The following PHYHD1 variants were observed in gnomAD, a reference collection of about 807,000 sequenced individuals.
The protein encoded by PHYHD1 is phytanoyl-CoA dioxygenase domain containing 1.
Under a neutral mutation model 43.6 loss-of-function variants are expected in PHYHD1, and 42 were observed. The observed-to-expected ratio is 0.96, with a 90% CI of 0.75 to 1.25. The LOEUF is 1.25. PHYHD1 is among the 50% of genes most tolerant of loss of function. The probability of loss-of-function intolerance (pLI) is 0.00; values close to 1 mark genes in which losing one functional copy is unlikely to be tolerated. For missense variants in PHYHD1, 342 were observed against 370.8 expected, an observed-to-expected ratio of 0.92 and a Z score of 0.64; for synonymous variants, 139 against 143.6, an observed-to-expected ratio of 0.97 and a Z score of 0.23.
chr9:128,937,772 G>A lies in PHYHD1; in HGVS notation c.451G>A (p.Gly151Ser), dbSNP rs190589766. 2,592 of 1,614,020 alleles carry A rather than the reference G, an allele frequency of 1.6e-3. 6 individuals are homozygous for A. Among genetic ancestry groups the A allele is most frequent in the Non-Finnish European group, 1.4e-3 (1,597 of 1,180,032 alleles). Residue 151 changes from glycine to serine, a missense_variant, in exon 9 of 13, where the codon GGT becomes AGT. Physicochemically the swap from Gly to Ser is moderately conservative, Grantham distance 56. Transcript: ENST00000372592. ...TCTCTTGCAGCAACCTCACTTTGGC[G>A]GTGAAGGTGAGCTGAGAGCTGTGGG... ...MYIFKQPHFG[G>S]EVSPHQDASF...
At chr9:128,935,582 A>G (rs563627740) in intron 6 of PHYHD1, among the ~76,000 whole-genome samples, 53 of 141,062 alleles carry the variant, frequency 3.8e-4, no homozygotes, top group Non-Finnish European at 6.6e-4. Flanking sequence ...AAAAGAAAAG[A>G]TTTACCATAT....
At chr9:128,925,633 G>C (rs1159380052) in intron 3 of PHYHD1, among the ~76,000 whole-genome samples, 1 of 152,014 alleles carries the variant, frequency 6.6e-6, no homozygotes, top group African/African-American at 2.4e-5. Flanking sequence ...CTCAGAATAA[G>C]AGGACCAGAG....
intron 6 of PHYHD1, among the ~76,000 whole-genome samples, chr9:128,935,915 TAAATAA>T (rs1368052690): frequency 1.3e-5 from 2 of 151,880 alleles, no homozygotes; most frequent in Non-Finnish European, 2.9e-5. Context: ...ACTAAATAAA[TAAATAA>T]AAATAAAAAG....
chr9:128,932,166 A>ATTTT (rs1564540372), intron 4 of PHYHD1, among the ~76,000 whole-genome samples: 19 of 122,692 alleles, frequency 1.5e-4, no homozygotes, highest in African/African-American at 6.3e-4. Flanking sequence ...TATTATTATT[A>ATTTT]TTGTTATTAT....
At chr9:128,933,712 C>G in intron 4 of PHYHD1, 70 bp from the exon 5 acceptor site, 1 of 1,506,940 alleles carries the variant, frequency 6.6e-7, no homozygotes, top group Non-Finnish European at 9.2e-7. Flanking sequence ...CTGAATCCGC[C>G]TCCCTCTTTG....
At chr9:128,930,946 C>G (rs1179992390) in intron 4 of PHYHD1, among the ~76,000 whole-genome samples, 1 of 136,732 alleles carries the variant, frequency 7.3e-6, no homozygotes, top group Non-Finnish European at 1.6e-5. Context: ...GAGACTCTGT[C>G]TCAAAAAAAA....
chr9:128,937,471 C>T (rs17432804), intron 8 of PHYHD1, among the ~76,000 whole-genome samples: 15,575 of 152,172 alleles, frequency 0.1, 1,075 homozygotes, highest in Middle Eastern at 0.18. Flanking sequence ...CAACTGCTGG[C>T]CTGTGTCCTA....
chr9:128,938,114 C>A (rs1841471493), intron 9 of PHYHD1, among the ~76,000 whole-genome samples: 1 of 152,126 alleles, frequency 6.6e-6, no homozygotes, highest in African/African-American at 2.4e-5. Context: ...CGAGACCAGC[C>A]TGGCCAACAT....
chr9:128,928,459 T>G (rs1039253767), intron 4 of PHYHD1, among the ~76,000 whole-genome samples: 2 of 152,094 alleles, frequency 1.3e-5, no homozygotes, highest in African/African-American at 4.8e-5. Context: ...TCCCAGCACT[T>G]TGGGAGGCCG....
intron 4 of PHYHD1, among the ~76,000 whole-genome samples, chr9:128,929,401 G>T (rs1354401479): frequency 1.3e-5 from 2 of 152,000 alleles, no homozygotes; most frequent in Non-Finnish European, 2.9e-5. Flanking sequence ...GGCCAGGAGT[G>T]GTGGCTTATA....
Position 128,941,893 on chromosome 9 carries a change from C to G in PHYHD1, c.*180C>G. The G allele has an allele frequency of 2.7e-6, 2 of 737,578 alleles. No individual in the cohort carries two copies. The highest frequency in any genetic ancestry group is 2.2e-6 in the Non-Finnish European group (1 of 456,044). 45.7% of individuals were successfully genotyped at this position (737,578 alleles called of 1,614,324 possible). On this transcript the variant is annotated 3_prime_UTR_variant, in exon 13 of 13. Coordinates refer to ENST00000372592, the MANE Select transcript of PHYHD1 (RefSeq NM_001100876.2). ...AGGGGCTTCCCTAAGATCTTCACCT[C>G]TCTGCCTCCCTACTGCCCCAACATA...
intron 11 of PHYHD1, among the ~76,000 whole-genome samples, chr9:128,941,065 T>C (rs893252291): frequency 6.6e-6 from 1 of 152,198 alleles, no homozygotes; most frequent in Non-Finnish European, 1.5e-5. Context: ...CAACAAATGT[T>C]GGCTGTTGGG....
At chr9:128,930,674 G>T (rs188952292) in intron 4 of PHYHD1, among the ~76,000 whole-genome samples, 1 of 151,870 alleles carries the variant, frequency 6.6e-6, no homozygotes, top group East Asian at 1.9e-4. Flanking sequence ...CCTCGGCCGG[G>T]TGCAGTGGCT....
chr9:128,934,790 A>C (rs1216008826), intron 6 of PHYHD1, among the ~76,000 whole-genome samples: 1 of 151,482 alleles, frequency 6.6e-6, no homozygotes, highest in Non-Finnish European at 1.5e-5. Context: ...AAAGCAAACA[A>C]GAAAGAAAGC....
In PHYHD1 at chr9:128,926,915, G is replaced by A. The variant is rs776179399; in HGVS notation, c.34-123G>A. The A allele has an allele frequency of 4.5e-6, 6 of 1,320,404 alleles. No homozygotes were observed. In the East Asian group the frequency reaches 1.2e-4, roughly 25 times the overall value. The allele number at this position is 1,320,404 out of a possible 1,614,324, so 81.8% of individuals were successfully genotyped here. A position where few individuals can be genotyped will look rare whatever the true frequency, so the allele number is the denominator to read the frequency against. On this transcript the variant is annotated intron_variant, in intron 3 of 12. Coordinates refer to ENST00000372592, the MANE Select transcript of PHYHD1 (RefSeq NM_001100876.2). ...GCTGGGTGCCAGACTCCATGCCTGG[G>A]GTTGGGGACAGGGCAGCAAACAAGA...
At chr9:128,934,140 C>A in intron 6 of PHYHD1, 82 bp downstream of exon 6, 1 of 1,440,682 alleles carries the variant, frequency 6.9e-7, no homozygotes, top group Non-Finnish European at 9.6e-7. Flanking sequence ...TCCTAACTAA[C>A]ACTTTGAGAA....
At chr9:128,939,944 C>G (rs1445715721) in intron 9 of PHYHD1, among the ~76,000 whole-genome samples, 1 of 152,034 alleles carries the variant, frequency 6.6e-6, no homozygotes, top group Non-Finnish European at 1.5e-5. Flanking sequence ...TGTGAGCCAC[C>G]GCGCCAAGCC....
chr9:128,934,763 C>G, intron 6 of PHYHD1, among the ~76,000 whole-genome samples: 1 of 148,436 alleles, frequency 6.7e-6, no homozygotes, highest in Admixed American at 6.7e-5. Flanking sequence ...AGTGAAACTC[C>G]GTCTCAAAAA....
intron 4 of PHYHD1, among the ~76,000 whole-genome samples, chr9:128,929,682 A>C (rs74379861): frequency 7.4e-4 from 113 of 152,268 alleles, no homozygotes; most frequent in African/African-American, 2.6e-3. Context: ...CAAAAAAAAA[A>C]AAATTCATTT....
Sources: allele counts gnomAD v4.1 joint callset (sites outside exome capture counted in the v4.1 genomes callset), GRCh38; gene constraint gnomAD v4.1.1; transcripts MANE v1.5; gene names NCBI Gene and HGNC (gene_info 2026-07-23, HGNC 2026-07-21).